Variants in LPP observed in about 807,000 individuals in gnomAD.
LPP encodes the protein lipoma-preferred partner.
A neutral mutation model predicts 60.4 loss-of-function variants in LPP; 38 were observed. The observed-to-expected ratio is 0.63, with a 90% CI of 0.49 to 0.83. The LOEUF is 0.83. LPP is among the 40% of genes least tolerant of loss of function. The probability of loss-of-function intolerance (pLI) is 0.00; values close to 1 mark genes in which losing one functional copy is unlikely to be tolerated. For missense variants in LPP, 902 were observed against 783.6 expected (o/e 1.15, Z -1.80); for synonymous variants, 328 against 290.8 (o/e 1.13, Z -1.30).
chr3:188,643,841 C>T (rs1029795500), intron 7 of LPP, among the ~76,000 whole-genome samples: 1 of 152,084 alleles, frequency 6.6e-6, no homozygotes, highest in African/African-American at 2.4e-5. Context: ...GGGAAGAACC[C>T]AGTGGTAACC....
intron 7 of LPP, among the ~76,000 whole-genome samples, chr3:188,675,362 T>TG (rs1295967883): frequency 6.6e-6 from 1 of 152,206 alleles, no homozygotes; most frequent in East Asian, 1.9e-4. Context: ...GTTGGCTTCC[T>TG]TAACTGCTCA....
intron 6 of LPP, among the ~76,000 whole-genome samples, chr3:188,607,027 C>T (rs574218192): frequency 1.1e-4 from 17 of 151,658 alleles, no homozygotes; most frequent in Non-Finnish European, 2.5e-4. Flanking sequence ...AAACCAATAA[C>T]ATTCATTAAC....
At chr3:188,546,955 C>T (rs1016743200) in intron 6 of LPP, among the ~76,000 whole-genome samples, 1 of 152,184 alleles carries the variant, frequency 6.6e-6, no homozygotes, top group East Asian at 1.9e-4. Flanking sequence ...TTTCTCACAC[C>T]ACAAGGGACT....
chr3:188,382,864 A>G (rs1168193247), intron 3 of LPP, among the ~76,000 whole-genome samples: 1 of 152,132 alleles, frequency 6.6e-6, no homozygotes, highest in African/African-American at 2.4e-5. Context: ...TATCCTCTGT[A>G]ACCTGTGACC....
At chr3:188,745,960 G>C (rs1447497838) in intron 8 of LPP, among the ~76,000 whole-genome samples, 1 of 152,126 alleles carries the variant, frequency 6.6e-6, no homozygotes, top group African/African-American at 2.4e-5. Context: ...CATGTCTTCT[G>C]ACTCTCATCC....
chr3:188,357,759 A>G (rs1208407542), intron 3 of LPP, among the ~76,000 whole-genome samples: 1 of 152,226 alleles, frequency 6.6e-6, no homozygotes, highest in Non-Finnish European at 1.5e-5. Context: ...GAATAGTATA[A>G]TAAATCATTT....
intron 4 of LPP, among the ~76,000 whole-genome samples, chr3:188,440,607 T>C (rs1023940124): frequency 1.3e-5 from 2 of 152,198 alleles, no homozygotes; most frequent in African/African-American, 4.8e-5. Flanking sequence ...AAAATTATGC[T>C]ACTCTTTCCC....
chr3:188,889,984 ATT>A lies in LPP; in HGVS notation c.*15514_*15515del. 4.8e-6 allele frequency: 1 copy of A among 208,778 alleles called. No homozygotes were observed. Among genetic ancestry groups the A allele is most frequent in the Non-Finnish European group, 9.7e-6 (1 of 103,350 alleles). 12.9% of individuals were successfully genotyped at this position (208,778 alleles called of 1,614,324 possible). On this transcript the variant is annotated 3_prime_UTR_variant, in exon 12 of 12. Coordinates refer to ENST00000617246, the MANE Select transcript of LPP (RefSeq NM_001375462.1). ...GTCATAAGGATGTTGGGATACAGAG[ATT>A]TTTTTTTTCCTTGGAAACAAATGGA...
intron 8 of LPP, among the ~76,000 whole-genome samples, chr3:188,737,667 G>A (rs908827781): frequency 6.6e-6 from 1 of 152,192 alleles, no homozygotes; most frequent in African/African-American, 2.4e-5. Context: ...GCACCAGGCT[G>A]AGTTTGGGCT....
chr3:188,659,275 A>C (rs1854045161), intron 7 of LPP, among the ~76,000 whole-genome samples: 1 of 152,206 alleles, frequency 6.6e-6, no homozygotes, highest in Admixed American at 6.5e-5. Context: ...ATGGAACATG[A>C]TTATCAAAGT....
At chr3:188,421,852 A>C (rs1190443942) in intron 4 of LPP, among the ~76,000 whole-genome samples, 2 of 152,154 alleles carry the variant, frequency 1.3e-5, no homozygotes, top group African/African-American at 4.8e-5. Context: ...GGAACAAATA[A>C]ATTTATTTTT....
intron 8 of LPP, among the ~76,000 whole-genome samples, chr3:188,718,527 A>G (rs1035765675): frequency 6.6e-6 from 1 of 152,246 alleles, no homozygotes; most frequent in Non-Finnish European, 1.5e-5. Context: ...AAAGAAACAA[A>G]AGAGATTCCC....
chr3:188,572,312 A>T lies in LPP; in HGVS notation c.430-36849A>T, dbSNP rs1833716045. ...AGCCCTATGTTATAATTTAAATGGT[A>T]GTAATTTTTGTTTCCGGTTTTGTAA... is the stretch of plus-strand genomic sequence containing the variant. On this transcript the variant is annotated intron_variant, in intron 6 of 11. Coordinates refer to ENST00000617246, the MANE Select transcript of LPP (RefSeq NM_001375462.1). This position sits in a 1 kb window ranked among gnomAD's most constrained non-coding sequence, Gnocchi z 4.1. Among the ~76,000 whole-genome samples, 1 of 152,094 alleles carries T rather than the reference A, an allele frequency of 6.6e-6. No individual in the cohort carries two copies. The highest frequency in any genetic ancestry group is 2.1e-4 in the South Asian group (1 of 4,818).
intron 7 of LPP, among the ~76,000 whole-genome samples, chr3:188,669,803 C>T (rs1856598690): frequency 6.6e-6 from 1 of 152,134 alleles, no homozygotes; most frequent in African/African-American, 2.4e-5. Flanking sequence ...CACATGCAGA[C>T]GTATGTTTAC....
chr3:188,215,268 T>C (rs1298959367), intron 1 of LPP, among the ~76,000 whole-genome samples: 1 of 151,586 alleles, frequency 6.6e-6, no homozygotes, highest in Non-Finnish European at 1.5e-5. Context: ...ATTGCCCCAC[T>C]GCACTTTAAC....
chr3:188,659,688 G>T (rs541031275), intron 7 of LPP, among the ~76,000 whole-genome samples: 220 of 152,204 alleles, frequency 1.4e-3, no homozygotes, highest in African/African-American at 5.1e-3. Context: ...CCAACTCGCA[G>T]CTTGGCAAGG....
chr3:188,223,408 T>C (rs1312077504), intron 1 of LPP, among the ~76,000 whole-genome samples: 2 of 152,320 alleles, frequency 1.3e-5, no homozygotes, highest in East Asian at 3.9e-4. Context: ...ACCACGAAAT[T>C]GAGAAGCACT....
intron 3 of LPP, among the ~76,000 whole-genome samples, chr3:188,349,577 T>C (rs1765296480): frequency 6.6e-6 from 1 of 152,248 alleles, no homozygotes; most frequent in Admixed American, 6.5e-5. Flanking sequence ...ATGCTTTCAC[T>C]CAGACATTAC....
rs565462124 is a variant in LPP, at chr3:188,564,185, C to T, written c.429+39398C>T. Reference sequence around the variant, plus strand: ...TATAATTGAATTCTCTATACTGATTCTATGATAGGAAGGTCCAGAGTCAGG... The same window carrying T: ...TATAATTGAATTCTCTATACTGATTTTATGATAGGAAGGTCCAGAGTCAGG... On this transcript the variant is annotated intron_variant, in intron 6 of 11. Transcript: ENST00000617246. Among the ~76,000 whole-genome samples, 10 of 152,082 alleles carry T rather than the reference C, an allele frequency of 6.6e-5. No homozygotes were observed. The East Asian group carries it at 1.9e-3, about 30-fold the overall frequency.
Sources: allele counts gnomAD v4.1 joint callset (sites outside exome capture counted in the v4.1 genomes callset), GRCh38; gene constraint gnomAD v4.1.1; non-coding constraint Gnocchi (gnomAD v3.1); transcripts MANE v1.5; gene names NCBI Gene and HGNC (gene_info 2026-07-23, HGNC 2026-07-21).